Variants in TRNT1 observed in about 807,000 individuals in gnomAD.
TRNT1 encodes tRNA nucleotidyl transferase 1.
In TRNT1, 44 loss-of-function variants were observed where a neutral mutation model predicts 45.6. The ratio of observed to expected loss-of-function variants is 0.97; its 90% CI spans 0.76 to 1.24. TRNT1 has a LOEUF of 1.24. Ranked by LOEUF, TRNT1 falls within the 50% of genes most tolerant of loss-of-function variation. The pLI, the probability that TRNT1 is intolerant of heterozygous loss-of-function variation, is 0.00. For missense variants in TRNT1, 633 were observed against 504.4 expected (o/e 1.25, Z -2.44); for synonymous variants, 201 against 171.4 (o/e 1.17, Z -1.35).
Position 3,147,812 on chromosome 3 carries a change from A to G in TRNT1, c.1057-94A>G, listed in dbSNP as rs780048644. On this transcript the variant is annotated intron_variant, in intron 7 of 7. Transcript: ENST00000251607. ...CTGTGAATTTTACTTATTTTAAATG[A>G]AAAAATTTATGTTGAGTATTTAAAT... is the stretch of plus-strand genomic sequence containing the variant. The G allele has an allele frequency of 1.2e-4, 182 of 1,520,510 alleles. 1 individual carries two copies. The highest frequency in any genetic ancestry group is 1.5e-4 in the Non-Finnish European group (168 of 1,136,452). The allele number at this position is 1,520,510 out of a possible 1,614,324, so 94.2% of individuals were successfully genotyped here.
At chr3:3,135,992 G>A (rs754509030) in intron 2 of TRNT1, among the ~76,000 whole-genome samples, 10 of 152,146 alleles carry the variant, frequency 6.6e-5, no homozygotes, top group African/African-American at 9.7e-5. Flanking sequence ...GCTTTGCAGC[G>A]GGTTAGATGC....
At chr3:3,141,404 ATCTT>A (rs1256112215) in intron 4 of TRNT1, among the ~76,000 whole-genome samples, 2 of 152,160 alleles carry the variant, frequency 1.3e-5, no homozygotes, top group Non-Finnish European at 2.9e-5. Flanking sequence ...TGTTTATTCA[ATCTT>A]TCTTCTGCTT....
At position 3,147,931 on chromosome 3, in the gene TRNT1, G is replaced by A. The variant is rs527881651; in HGVS notation, c.1082G>A (p.Arg361His). ...IDSREPDATT[R>H]VCELLKYQGE... The stretch of plus-strand genomic sequence containing the variant: ...TCTAGGGAACCTGATGCAACTACTC[G>A]TGTATGTGAACTACTGAAGTACCAA... The change falls in exon 8 of 8, where the codon CGT (arginine) becomes CAT (histidine). Residue 361 changes from arginine to histidine, a missense_variant. Arg to His is a conservative substitution (Grantham distance 29). Coordinates refer to ENST00000251607, the MANE Select transcript of TRNT1 (RefSeq NM_182916.3). The A allele has an allele frequency of 3.1e-6, 5 of 1,613,552 alleles. No homozygotes were observed. In the South Asian group the frequency reaches 3.3e-5, roughly 11 times the overall value.
rs1706023403 is a variant in TRNT1, at chr3:3,146,430, G to A, written c.609G>A (p.Arg203=). The change falls in exon 6 of 8, where the codon AGG becomes AGA. Residue 203 remains arginine (R), a splice_region_variant and synonymous_variant. Coordinates refer to ENST00000251607, the MANE Select transcript of TRNT1 (RefSeq NM_182916.3). ...EDYLRILRYF[R]FYGRIVDKPG... is the part of the protein sequence containing the mutation. ...ACCCTGTGAAGATTTTGTCTTGTAG[G>A]TTTTATGGGAGAATTGTAGACAAAC... 2 of 1,607,274 alleles carry A rather than the reference G, an allele frequency of 1.2e-6. No individual in the cohort carries two copies. Among genetic ancestry groups the A allele is most frequent in the Non-Finnish European group, 1.7e-6 (2 of 1,177,802 alleles).
downstream of TRNT1, chr3:3,149,101 TA>T (rs531892770): frequency 6.6e-5 from 10 of 152,256 alleles, no homozygotes; most frequent in East Asian, 1.9e-3. Context: ...TAGCCAGTCA[TA>T]ACATCTTTGT....
chr3:3,130,940 A>G (rs1286946130), intron 2 of TRNT1, among the ~76,000 whole-genome samples: 2 of 151,978 alleles, frequency 1.3e-5, no homozygotes, highest in Non-Finnish European at 2.9e-5. Flanking sequence ...AAAATAGGCA[A>G]GCATACTGAT....
intron 1 of TRNT1, chr3:3,127,720 T>G (rs79235044): frequency 0.023 from 3,470 of 152,394 alleles, 45 homozygotes; most frequent in African/African-American, 0.029. Flanking sequence ...ATGACAAGTT[T>G]TGGAGACCAG....
At chr3:3,136,237 A>C (rs914735697) in intron 2 of TRNT1, among the ~76,000 whole-genome samples, 1 of 152,092 alleles carries the variant, frequency 6.6e-6, no homozygotes. Context: ...GTTTTGTGAA[A>C]ATGTTTCTGT....
rs1621648 is a variant in TRNT1, at chr3:3,147,375, T to C, written c.803-75T>C. On this transcript the variant is annotated intron_variant, in intron 6 of 7. Coordinates refer to ENST00000251607, the MANE Select transcript of TRNT1 (RefSeq NM_182916.3). The stretch of plus-strand genomic sequence containing the variant: ...GACAAAGCATTTCTGGATACTAAAA[T>C]GGTGGCAAGGTTTAGGATATGAGTG... 1,505,673 of 1,530,742 alleles carry C rather than the reference T, an allele frequency of 0.98. 743,550 individuals carry two copies. The highest frequency in any genetic ancestry group is 1 in the East Asian group (44,247 of 44,248). The allele number at this position is 1,530,742 out of a possible 1,614,324, so 94.8% of individuals were successfully genotyped here.
At chr3:3,141,341 A>G (rs935033397) in intron 4 of TRNT1, among the ~76,000 whole-genome samples, 1 of 151,566 alleles carries the variant, frequency 6.6e-6, no homozygotes, top group Non-Finnish European at 1.5e-5. Flanking sequence ...ACACACATCT[A>G]CACACACACA....
chr3:3,142,347 C>A (rs1397359179), intron 4 of TRNT1, among the ~76,000 whole-genome samples: 1 of 152,130 alleles, frequency 6.6e-6, no homozygotes, highest in Non-Finnish European at 1.5e-5. Context: ...TAAATTTAAT[C>A]TCCTGACAAC....
In TRNT1 at chr3:3,137,278, A is replaced by G. The variant is rs1189459192; in HGVS notation, c.167A>G (p.Asn56Ser). 1 of 1,592,468 alleles carries G rather than the reference A, an allele frequency of 6.3e-7. No homozygotes were observed. The highest frequency in any genetic ancestry group is 8.5e-7 in the Non-Finnish European group (1 of 1,173,326). ...ATCTCAGAATTATTTGTCAAAGAGA[A>G]TCACGAATTAAGAATAGCAGGAGGA... ...KSLTELFVKE[N>S]HELRIAGGAV... Residue 56 changes from asparagine to serine, a missense_variant, in exon 3 of 8, where the codon AAT (asparagine) becomes AGT (serine). Physicochemically the swap from Asn to Ser is conservative, Grantham distance 46 (BLOSUM62 1). Coordinates refer to ENST00000251607, the MANE Select transcript of TRNT1 (RefSeq NM_182916.3).
intron 2 of TRNT1, chr3:3,136,832 TG>T (rs1705359920): frequency 9.0e-6 from 3 of 334,598 alleles, no homozygotes; most frequent in South Asian, 4.6e-5. Context: ...TTTTATTTTT[TG>T]TATAGATAGA....
chr3:3,147,559 T>C lies in TRNT1; in HGVS notation c.912T>C (p.Asp304=), dbSNP rs2126036829. The C allele has an allele frequency of 1.2e-6, 2 of 1,613,954 alleles. No individual in the cohort carries two copies. The highest frequency in any genetic ancestry group is 1.7e-4 in the Middle Eastern group (1 of 6,060). Residue 304 remains aspartate, a synonymous_variant, in exon 7 of 8, where the codon GAT becomes GAC. Coordinates refer to ENST00000251607, the MANE Select transcript of TRNT1 (RefSeq NM_182916.3). ...TGGCCTCATTATTCAAAGTACAAGA[T>C]GATGTCACAAAATTGGATTTGAGGT... is the stretch of plus-strand genomic sequence containing the variant. The part of the protein sequence containing the change: ...TLLASLFKVQ[D]DVTKLDLRLK...
chr3:3,131,363 C>T lies in TRNT1; in HGVS notation c.148+2175C>T, dbSNP rs891874248. Reference sequence around the variant, plus strand: ...TAGTAATTAACTCTTGATGGCCTAACTCAGGTCATTCTGCATTTTTTGGAA... The same window carrying T: ...TAGTAATTAACTCTTGATGGCCTAATTCAGGTCATTCTGCATTTTTTGGAA... On this transcript the variant is annotated intron_variant, in intron 2 of 7. Transcript: ENST00000251607. The T allele has an allele frequency of 3.3e-5, 5 of 152,150 alleles. No homozygotes were observed. In the South Asian group the frequency reaches 6.2e-4, roughly 19 times the overall value. 9.4% of individuals were successfully genotyped at this position (152,150 alleles called of 1,614,324 possible). A position where few individuals can be genotyped will look rare whatever the true frequency, so the allele number is the denominator to read the frequency against.
intron 6 of TRNT1, 59 bp from the exon 7 acceptor site, chr3:3,147,391 G>C: frequency 6.3e-7 from 1 of 1,588,240 alleles, no homozygotes; most frequent in Non-Finnish European, 8.6e-7. Flanking sequence ...CAAGGTTTAG[G>C]ATATGAGTGG....
At chr3:3,131,828 T>A (rs1305970908) in intron 2 of TRNT1, 1 of 31,052 alleles carries the variant, frequency 3.2e-5, no homozygotes, top group African/African-American at 7.2e-5. Context: ...CTCAAACAAA[T>A]TTACAAGAAA....
intron 3 of TRNT1, 42 bp from the exon 4 acceptor site, chr3:3,140,468 C>G (rs1330760052): frequency 6.3e-7 from 1 of 1,595,270 alleles, no homozygotes; most frequent in African/African-American, 1.4e-5. Flanking sequence ...GTATGAAAAC[C>G]TAATTTAAAT....
chr3:3,137,252 C>T lies in TRNT1; in HGVS notation c.149-8C>T. On this transcript the variant is annotated splice_polypyrimidine_tract_variant and splice_region_variant and intron_variant, in intron 2 of 7. Transcript: ENST00000251607. ...TGGGAATAAAAATCTTATTTTCTCT[C>T]ATCTCAGAATTATTTGTCAAAGAGA... The T allele has an allele frequency of 6.4e-7, 1 of 1,561,538 alleles. No homozygotes were observed. Among genetic ancestry groups the T allele is most frequent in the Non-Finnish European group, 8.6e-7 (1 of 1,156,994 alleles).
Sources: gnomAD v4.1 joint callset for allele counts (sites outside exome capture counted in the v4.1 genomes callset) on GRCh38, gnomAD v4.1.1 for gene constraint, MANE v1.5 for transcripts, NCBI Gene and HGNC (gene_info 2026-07-23, HGNC 2026-07-21) for gene names.